SMAP1: variants seen among roughly 807,000 people sequenced by gnomAD.
SMAP1 encodes small ArfGAP 1, also known as stromal membrane-associated protein 1.
SMAP1 carries 24 observed loss-of-function variants against 58.5 expected under a neutral mutation model. The observed-to-expected ratio is 0.41, with a 90% CI of 0.30 to 0.58. The LOEUF (loss-of-function observed/expected upper bound fraction) is 0.58, where lower values mean the gene tolerates loss of function less well. SMAP1 is among the 20% of genes least tolerant of loss of function. SMAP1 has a pLI of 0.29. For missense variants in SMAP1, 563 were observed against 566.3 expected, an observed-to-expected ratio of 0.99 and a Z score of 0.06; for synonymous variants, 216 against 196.6, an observed-to-expected ratio of 1.10 and a Z score of -0.82.
intron 7 of SMAP1, among the ~76,000 whole-genome samples, chr6:70,849,474 A>C (rs1582306023): frequency 6.6e-6 from 1 of 152,228 alleles, no homozygotes; most frequent in Non-Finnish European, 1.5e-5. Flanking sequence ...TTTATAGTGC[A>C]GTGGTAAAAA....
intron 1 of SMAP1, among the ~76,000 whole-genome samples, chr6:70,701,006 G>A (rs548344900): frequency 1.1e-4 from 17 of 152,308 alleles, no homozygotes; most frequent in Non-Finnish European, 1.6e-4. Context: ...TGATATCCAA[G>A]TTGCAAGGCA....
chr6:70,755,336 T>TA (rs1167765275), intron 3 of SMAP1, among the ~76,000 whole-genome samples: 1 of 152,038 alleles, frequency 6.6e-6, no homozygotes, highest in Non-Finnish European at 1.5e-5. Flanking sequence ...TTATTTGACT[T>TA]ACGATTTTTC....
At position 70,836,958 on chromosome 6, in the gene SMAP1, G is replaced by A; in HGVS notation, c.594G>A (p.Gln198=). The A allele has an allele frequency of 6.3e-7, 1 of 1,596,910 alleles. No individual in the cohort carries two copies. The highest frequency in any genetic ancestry group is 8.5e-7 in the Non-Finnish European group (1 of 1,172,596). ...CTTTAAAGCTGCAGAAGAAAGATCA[G>A]CAACTGGAGCCTAAAAAAAGTACCA... ...LTAEKLQKKD[Q]QLEPKKSTSP... is the part of the protein sequence containing the mutation. The change falls in exon 7 of 11, where the codon CAG becomes CAA. Residue 198 remains glutamine (Q), a synonymous_variant. Coordinates refer to ENST00000370455, the MANE Select transcript of SMAP1 (RefSeq NM_001044305.3).
intron 2 of SMAP1, among the ~76,000 whole-genome samples, chr6:70,740,712 A>G (rs778177003): frequency 1.3e-5 from 2 of 152,084 alleles, no homozygotes; most frequent in Non-Finnish European, 2.9e-5. Flanking sequence ...TTCCAAGCTT[A>G]TTGTGGCCCA....
intron 1 of SMAP1, among the ~76,000 whole-genome samples, chr6:70,692,641 C>T (rs1451014368): frequency 1.3e-5 from 2 of 152,172 alleles, no homozygotes; most frequent in Non-Finnish European, 2.9e-5. Context: ...ATATTTATAT[C>T]CAGTTTTCCC....
At chr6:70,834,145 A>G (rs1041622544) in intron 6 of SMAP1, among the ~76,000 whole-genome samples, 2 of 152,176 alleles carry the variant, frequency 1.3e-5, no homozygotes, top group African/African-American at 4.8e-5. Context: ...TTCCTTTTCA[A>G]ACTATGACAG....
At position 70,785,386 on chromosome 6, in the gene SMAP1, A is replaced by AAAAGAACT. The variant is rs1319869092; in HGVS notation, c.415-6301_415-6294dup. 1.5e-4 allele frequency among the ~76,000 whole-genome samples: 23 copies of AAAAGAACT among 152,348 alleles called. 1 individual carries two copies. The highest frequency in any genetic ancestry group is 4.1e-4 in the South Asian group (2 of 4,830). The stretch of plus-strand genomic sequence containing the variant: ...AAAAGTGACTCCTAATATCACAATT[A>AAAAGAACT]AAAGAACTAGAAAAGCAAGAGCAAA... On this transcript the variant is annotated intron_variant, in intron 4 of 10. Coordinates refer to ENST00000370455, the MANE Select transcript of SMAP1 (RefSeq NM_001044305.3).
At chr6:70,719,791 T>C (rs747335918) in intron 1 of SMAP1, among the ~76,000 whole-genome samples, 1 of 152,150 alleles carries the variant, frequency 6.6e-6, no homozygotes, top group Non-Finnish European at 1.5e-5. Context: ...ATGAGACTTA[T>C]TAACTATAAT....
intron 7 of SMAP1, among the ~76,000 whole-genome samples, chr6:70,838,488 A>G (rs1445912668): frequency 2.0e-5 from 3 of 152,256 alleles, no homozygotes; most frequent in African/African-American, 7.2e-5. Context: ...AGATGAAAGA[A>G]AACAAAAATG....
At chr6:70,710,281 A>T (rs1157146439) in intron 1 of SMAP1, among the ~76,000 whole-genome samples, 1 of 152,084 alleles carries the variant, frequency 6.6e-6, no homozygotes, top group Non-Finnish European at 1.5e-5. Context: ...TCATGAGGTC[A>T]AGAGATAGAG....
At chr6:70,822,011 C>T (rs962782452) in intron 6 of SMAP1, among the ~76,000 whole-genome samples, 1 of 152,134 alleles carries the variant, frequency 6.6e-6, no homozygotes, top group African/African-American at 2.4e-5. Flanking sequence ...ATGTGCAGAG[C>T]TTTCATTTCC....
chr6:70,799,363 C>T (rs1309376997), intron 6 of SMAP1, among the ~76,000 whole-genome samples: 1 of 151,948 alleles, frequency 6.6e-6, no homozygotes, highest in African/African-American at 2.4e-5. Flanking sequence ...ACATGGTACT[C>T]CTAATTCAGA....
chr6:70,842,952 G>A (rs749614196), intron 7 of SMAP1, among the ~76,000 whole-genome samples: 6 of 152,118 alleles, frequency 3.9e-5, no homozygotes, highest in Non-Finnish European at 7.4e-5. Context: ...CCCAGGGTAC[G>A]CTTGGTCAGA....
At position 70,836,922 on chromosome 6, in the gene SMAP1, C is replaced by A; in HGVS notation, c.577-19C>A. 1 of 1,520,058 alleles carries A rather than the reference C, an allele frequency of 6.6e-7. No homozygotes were observed. Among genetic ancestry groups the A allele is most frequent in the Non-Finnish European group, 8.8e-7 (1 of 1,136,182 alleles). 94.2% of individuals were successfully genotyped at this position (1,520,058 alleles called of 1,614,324 possible). A position where few individuals can be genotyped will look rare whatever the true frequency, so the allele number is the denominator to read the frequency against. On this transcript the variant is annotated intron_variant, in intron 6 of 10. Coordinates refer to ENST00000370455, the MANE Select transcript of SMAP1 (RefSeq NM_001044305.3). ...ATTTACTTAAGAAAAATTAATAAAT[C>A]CAATTATTTACTTTAAAGCTGCAGA...
At chr6:70,779,589 A>T (rs1767679390) in intron 4 of SMAP1, among the ~76,000 whole-genome samples, 1 of 151,930 alleles carries the variant, frequency 6.6e-6, no homozygotes, top group South Asian at 2.1e-4. Flanking sequence ...CATGATGGGG[A>T]GTCCTTCCTG....
intron 1 of SMAP1, among the ~76,000 whole-genome samples, chr6:70,711,783 C>T (rs887321177): frequency 6.6e-6 from 1 of 152,128 alleles, no homozygotes; most frequent in Non-Finnish European, 1.5e-5. Flanking sequence ...CTGCCTCGTC[C>T]TCTCAAAATG....
chr6:70,855,279 G>A (rs2474913), intron 8 of SMAP1, among the ~76,000 whole-genome samples: 82,027 of 151,802 alleles, frequency 0.54, 22,593 homozygotes, highest in East Asian at 0.77. Context: ...GTGCTGGCGA[G>A]TGGAGCACCA....
At chr6:70,774,092 G>T (rs1282654969) in intron 4 of SMAP1, among the ~76,000 whole-genome samples, 1 of 152,162 alleles carries the variant, frequency 6.6e-6, no homozygotes, top group Non-Finnish European at 1.5e-5. Flanking sequence ...TGCAGTACAG[G>T]TTTGTAGCCT....
At chr6:70,708,062 T>A (rs561955253) in intron 1 of SMAP1, among the ~76,000 whole-genome samples, 1 of 152,248 alleles carries the variant, frequency 6.6e-6, no homozygotes, top group Non-Finnish European at 1.5e-5. Flanking sequence ...ACATTATATC[T>A]CTAGACTTAG....
Sources: allele counts gnomAD v4.1 joint callset (sites outside exome capture counted in the v4.1 genomes callset), GRCh38; gene constraint gnomAD v4.1.1; transcripts MANE v1.5; gene names NCBI Gene and HGNC (gene_info 2026-07-23, HGNC 2026-07-21).